Variants in CSMD1 observed in about 807,000 individuals in gnomAD.
CSMD1 encodes CUB and sushi domain-containing protein 1.
A neutral mutation model predicts 417.5 loss-of-function variants in CSMD1; 213 were observed. That is an observed-to-expected ratio of 0.51 (90% CI 0.46 to 0.57). CSMD1 has a LOEUF of 0.57. CSMD1 is among the 20% of genes least tolerant of loss of function. The probability of loss-of-function intolerance (pLI) is 0.00; values close to 1 mark genes in which losing one functional copy is unlikely to be tolerated. For missense variants in CSMD1, 6,923 were observed against 4,529.7 expected, an observed-to-expected ratio of 1.53 and a Z score of -15.17; for synonymous variants, 2,862 against 1,736.8, an observed-to-expected ratio of 1.65 and a Z score of -16.11.
At chr8:4,370,394 T>C (rs1802328118) in intron 3 of CSMD1, among the ~76,000 whole-genome samples, 1 of 152,160 alleles carries the variant, frequency 6.6e-6, no homozygotes, top group African/African-American at 2.4e-5. Flanking sequence ...TCACAGACCT[T>C]GGAAAATCTG....
chr8:4,816,097 G>A lies in CSMD1; in HGVS notation c.85+178235C>T, dbSNP rs926759458. ...TTTAGGGAGCAGAACTGGGCAGAAT[G>A]TGAGGAAGGCTGATCACAGAGCATC... On this transcript the variant is annotated intron_variant, in intron 1 of 69. Transcript: ENST00000635120. Among the ~76,000 whole-genome samples the A allele has an allele frequency of 3.9e-5, 6 of 152,182 alleles. 1 individual carries two copies. Among genetic ancestry groups the A allele is most frequent in the Admixed American group, 1.3e-4 (2 of 15,282 alleles).
chr8:4,618,600 A>C (rs1242713755), intron 2 of CSMD1, among the ~76,000 whole-genome samples: 1 of 152,090 alleles, frequency 6.6e-6, no homozygotes, highest in South Asian at 2.1e-4. Flanking sequence ...AAGGCTTTTG[A>C]TGTTTTTCTG....
chr8:3,858,006 T>C (rs918363750), intron 5 of CSMD1, among the ~76,000 whole-genome samples: 19 of 152,222 alleles, frequency 1.2e-4, no homozygotes, highest in African/African-American at 4.1e-4. Context: ...CTGCACAAGA[T>C]TGCTCTGCAC....
chr8:4,160,692 C>A (rs1797105653), intron 3 of CSMD1, among the ~76,000 whole-genome samples: 3 of 152,234 alleles, frequency 2.0e-5, no homozygotes, highest in African/African-American at 2.4e-5. Context: ...TCCCACACTC[C>A]ATGTCTTCAC....
intron 1 of CSMD1, among the ~76,000 whole-genome samples, chr8:4,972,278 C>CTG (rs1248229941): frequency 5.5e-5 from 8 of 145,652 alleles, no homozygotes; most frequent in African/African-American, 2.3e-4. Flanking sequence ...TTTGCTCTGT[C>CTG]ACCACCAAAA....
At chr8:3,681,678 G>A (rs1243608214) in intron 7 of CSMD1, among the ~76,000 whole-genome samples, 2 of 152,030 alleles carry the variant, frequency 1.3e-5, no homozygotes, top group Non-Finnish European at 2.9e-5. Flanking sequence ...TCACAGAATT[G>A]GAAAAAAACT....
At chr8:3,326,361 C>T (rs1806531353) in intron 23 of CSMD1, among the ~76,000 whole-genome samples, 1 of 152,166 alleles carries the variant, frequency 6.6e-6, no homozygotes, top group Non-Finnish European at 1.5e-5. Flanking sequence ...TACCTTCCAC[C>T]TTCCTCCCTT....
intron 2 of CSMD1, among the ~76,000 whole-genome samples, chr8:4,468,709 T>C (rs907670729): frequency 1.3e-5 from 2 of 152,210 alleles, no homozygotes; most frequent in African/African-American, 4.8e-5. Context: ...TTTAGCATAA[T>C]TCAAAAACAT....
intron 3 of CSMD1, among the ~76,000 whole-genome samples, chr8:4,165,452 G>T (rs1443040762): frequency 1.3e-5 from 2 of 152,184 alleles, no homozygotes; most frequent in African/African-American, 2.4e-5. Context: ...TGTCGCCCAG[G>T]CTGAGTGCAA....
intron 2 of CSMD1, among the ~76,000 whole-genome samples, chr8:4,442,972 A>T (rs1463988895): frequency 1.3e-5 from 2 of 152,152 alleles, no homozygotes; most frequent in African/African-American, 4.8e-5. Context: ...GGTATCTCCA[A>T]AATAGTGTCA....
At chr8:4,806,744 C>A (rs1735484327) in intron 1 of CSMD1, among the ~76,000 whole-genome samples, 1 of 152,180 alleles carries the variant, frequency 6.6e-6, no homozygotes, top group Admixed American at 6.5e-5. Flanking sequence ...CGATGAACTT[C>A]ATTTGAAAAC....
chr8:3,939,377 T>C (rs1754218738), intron 5 of CSMD1, among the ~76,000 whole-genome samples: 1 of 152,100 alleles, frequency 6.6e-6, no homozygotes, highest in African/African-American at 2.4e-5. Flanking sequence ...TTGGCATGGA[T>C]ATGGTGAAAA....
At chr8:4,765,554 C>A (rs79956248) in intron 1 of CSMD1, among the ~76,000 whole-genome samples, 2,386 of 152,264 alleles carry the variant, frequency 0.016, 61 homozygotes, top group African/African-American at 0.055. Context: ...GGAAATAACT[C>A]ACTAATTGAT....
intron 2 of CSMD1, among the ~76,000 whole-genome samples, chr8:4,463,144 C>A (rs1319319233): frequency 6.6e-6 from 1 of 152,098 alleles, no homozygotes; most frequent in African/African-American, 2.4e-5. Context: ...ATAGACGCTG[C>A]CCCAAAGAAG....
chr8:3,118,619 A>AT (rs1563061669), intron 41 of CSMD1, 32 bp from the exon 42 acceptor site: 1 of 1,593,820 alleles, frequency 6.3e-7, no homozygotes, highest in Non-Finnish European at 8.6e-7. Flanking sequence ...AATAAAGCTT[A>AT]TATTTGTGAG....
chr8:4,468,995 G>C (rs1191527186), intron 2 of CSMD1, among the ~76,000 whole-genome samples: 2 of 152,040 alleles, frequency 1.3e-5, no homozygotes, highest in Non-Finnish European at 2.9e-5. Flanking sequence ...TCTCTTATCA[G>C]AGACTCTAAA....
intron 3 of CSMD1, among the ~76,000 whole-genome samples, chr8:4,066,759 C>T (rs148513558): frequency 1.3e-5 from 2 of 152,042 alleles, no homozygotes; most frequent in East Asian, 1.9e-4. Flanking sequence ...AAACCACAAG[C>T]AAATACGGAA....
rs140158264 is a variant in CSMD1, at chr8:4,312,465, G to GTATATATATATATATATATA, written c.415+107487_415+107488insTATATATATATATATATATA. 1.1e-3 allele frequency among the ~76,000 whole-genome samples: 129 copies of GTATATATATATATATATATA among 119,148 alleles called. 2 individuals carry two copies. Among genetic ancestry groups the GTATATATATATATATATATA allele is most frequent in the Non-Finnish European group, 1.7e-3 (101 of 59,130 alleles). 78.2% of individuals were successfully genotyped at this position (119,148 alleles called of 152,430 possible). ...TATATATATACGTATATATATGCGC[G>GTATATATATATATATATATA]TATATATATATATACACATATAGAA... On this transcript the variant is annotated intron_variant, in intron 3 of 69. Coordinates refer to ENST00000635120, the MANE Select transcript of CSMD1 (RefSeq NM_033225.6).
chr8:3,861,885 G>A (rs1001240729), intron 5 of CSMD1, among the ~76,000 whole-genome samples: 1 of 152,176 alleles, frequency 6.6e-6, no homozygotes, highest in African/African-American at 2.4e-5. Flanking sequence ...CACAGTGGAA[G>A]TCATAGCATC....
Sources: allele counts gnomAD v4.1 joint callset (sites outside exome capture counted in the v4.1 genomes callset), GRCh38; gene constraint gnomAD v4.1.1; transcripts MANE v1.5; gene names NCBI Gene and HGNC (gene_info 2026-07-23, HGNC 2026-07-21).